The following NOD2 variants were observed in gnomAD, a reference collection of about 807,000 sequenced individuals.
NOD2 encodes the protein nucleotide-binding oligomerization domain-containing protein 2.
Under a neutral mutation model 90.9 loss-of-function variants are expected in NOD2, and 86 were observed. The ratio of observed to expected loss-of-function variants is 0.95; its 90% CI spans 0.79 to 1.13. NOD2 has a LOEUF of 1.13. Among genes scored for constraint, NOD2 ranks in the 50% most tolerant of loss-of-function variants. NOD2 has a pLI of 0.00. For missense variants in NOD2, 1,238 were observed against 1,283.8 expected, an observed-to-expected ratio of 0.96 and a Z score of 0.55; for synonymous variants, 581 against 554.6, an observed-to-expected ratio of 1.05 and a Z score of -0.67.
At chr16:50,699,077 G>A (rs1963801244) in intron 1 of NOD2, among the ~76,000 whole-genome samples, 1 of 151,958 alleles carries the variant, frequency 6.6e-6, no homozygotes, top group African/African-American at 2.4e-5. Context: ...ACAGGCGCTC[G>A]CCACCACGCC....
At chr16:50,705,586 CT>C (rs1337326307) in intron 2 of NOD2, among the ~76,000 whole-genome samples, 1 of 152,170 alleles carries the variant, frequency 6.6e-6, no homozygotes, top group Non-Finnish European at 1.5e-5. Flanking sequence ...GACCTTTTGC[CT>C]GGGGATAAAC....
intron 1 of NOD2, chr16:50,697,719 C>G: frequency 9.2e-6 from 3 of 326,670 alleles, no homozygotes; most frequent in South Asian, 7.8e-5. Flanking sequence ...GGGGTACACC[C>G]TCTCTCCCAA....
In NOD2 at chr16:50,710,637, A is replaced by G. The variant is rs1238539471; in HGVS notation, c.645A>G (p.Gly215=). The change falls in exon 4 of 12, where the codon GGA becomes GGG. Residue 215 remains glycine, a synonymous_variant. Transcript: ENST00000647318. ...AQSRFLSTYD[G]AETLCLEDIY... ...CTCGCTTCCTCAGTACCTATGATGG[A>G]GCAGAGACGCTCTGCCTGGAGGACA... 1.2e-6 allele frequency: 2 copies of G among 1,614,022 alleles called. No individual in the cohort carries two copies. The highest frequency in any genetic ancestry group is 1.3e-5 in the African/African-American group (1 of 74,908).
chr16:50,711,397 C>T lies in NOD2; in HGVS notation c.1405C>T (p.His469Tyr). Residue 469 changes from histidine (H) to tyrosine (Y), a missense_variant, in exon 4 of 12, where the codon CAC (histidine) becomes TAC (tyrosine). His to Tyr is a moderately conservative substitution (Grantham distance 83). Transcript: ENST00000647318. ...PVFSWMVSKC[H>Y]QELLLQEGGS... is the part of the protein sequence containing the mutation. The stretch of plus-strand genomic sequence containing the variant: ...CTTCTCATGGATGGTGTCCAAATGC[C>T]ACCAGGAACTGTTGCTGCAGGAGGG... 1 of 1,613,718 alleles carries T rather than the reference C, an allele frequency of 6.2e-7. No homozygotes were observed. The highest frequency in any genetic ancestry group is 8.5e-7 in the Non-Finnish European group (1 of 1,180,034).
Position 50,710,607 on chromosome 16 carries a change from T to TCAGTC in NOD2, c.616_620dup (p.Arg208SerfsTer144). On this transcript the variant is annotated frameshift_variant, in exon 4 of 12. Transcript: ENST00000647318. LOFTEE classifies it high-confidence loss of function. ...CCAAGCTGAGGACCACGGTGTCTGCTCAGTCTCGCTTCCTCAGTACCTATG... is the reference window on the plus strand; with the variant it reads ...CCAAGCTGAGGACCACGGTGTCTGCTCAGTCCAGTCTCGCTTCCTCAGTACCTATG... 6.2e-7 allele frequency: 1 copy of TCAGTC among 1,614,204 alleles called. No individual in the cohort carries two copies. Among genetic ancestry groups the TCAGTC allele is most frequent in the Non-Finnish European group, 8.5e-7 (1 of 1,180,032 alleles).
intron 1 of NOD2, among the ~76,000 whole-genome samples, chr16:50,694,586 G>C (rs1323484526): frequency 6.6e-6 from 1 of 152,208 alleles, no homozygotes; most frequent in Non-Finnish European, 1.5e-5. Context: ...CATGCCCAGT[G>C]GTGGGGAGCT....
In NOD2 at chr16:50,699,591, G is replaced by T; in HGVS notation, c.96G>T (p.Trp32Cys). ...SLEGFESVLD[W>C]LLSWEVLSWE... ...AAGGCTTCGAGAGTGTCCTGGACTG[G>T]CTGCTGTCCTGGGAGGTCCTCTCCT... The change falls in exon 2 of 12, where the codon TGG (tryptophan) becomes TGT (cysteine). Residue 32 changes from tryptophan (W) to cysteine (C), a missense_variant. Physicochemically the swap from Trp to Cys is radical, Grantham distance 215. Around this residue, in one of 3 missense-constraint regions of NOD2, gnomAD observed 567 missense variants for 577.3 expected, o/e 0.98. Coordinates refer to ENST00000647318, the MANE Select transcript of NOD2 (RefSeq NM_001370466.1). 6 of 1,614,074 alleles carry T rather than the reference G, an allele frequency of 3.7e-6. No homozygotes were observed. Among genetic ancestry groups the T allele is most frequent in the Non-Finnish European group, 5.1e-6 (6 of 1,179,972 alleles).
chr16:50,723,867 T>C (rs1418633055), intron 9 of NOD2, among the ~76,000 whole-genome samples: 1 of 152,228 alleles, frequency 6.6e-6, no homozygotes, highest in African/African-American at 2.4e-5. Context: ...GCAGGGTTAC[T>C]ACTACTATTA....
At position 50,711,978 on chromosome 16, in the gene NOD2, G is replaced by C. The variant is rs1410478848; in HGVS notation, c.1986G>C (p.Leu662=). 1 of 1,613,236 alleles carries C rather than the reference G, an allele frequency of 6.2e-7. No individual in the cohort carries two copies. The highest frequency in any genetic ancestry group is 1.3e-5 in the African/African-American group (1 of 74,948). Residue 662 remains leucine, a synonymous_variant, in exon 4 of 12, where the codon CTG becomes CTC. Transcript: ENST00000647318. The stretch of plus-strand genomic sequence containing the variant: ...TGTTGTCCCGGGAGCACTGGGGCCT[G>C]CTGGCTGAGTGCCAGACATCTGAGA... The part of the protein sequence containing the change: ...AGLLSREHWG[L]LAECQTSEKA...
At position 50,707,964 on chromosome 16, in the gene NOD2, G is replaced by C. The variant is rs776802652; in HGVS notation, c.565+4G>C. On this transcript the variant is annotated splice_donor_region_variant and intron_variant, in intron 3 of 11. Coordinates refer to ENST00000647318, the MANE Select transcript of NOD2 (RefSeq NM_001370466.1). Reference sequence around the variant, plus strand: ...CCATTGGCCCTGCCTTTGGAAGGTAGGTGTATGTTCTCAGTTAATCAGAAA... The same window carrying C: ...CCATTGGCCCTGCCTTTGGAAGGTACGTGTATGTTCTCAGTTAATCAGAAA... 18 of 1,593,120 alleles carry C rather than the reference G, an allele frequency of 1.1e-5. No individual in the cohort carries two copies. The South Asian group carries it at 1.8e-4, about 16-fold the overall frequency.
intron 10 of NOD2, among the ~76,000 whole-genome samples, 187 bp downstream of exon 10, chr16:50,725,759 A>T (rs1965242857): frequency 6.6e-6 from 1 of 152,136 alleles, no homozygotes; most frequent in Non-Finnish European, 1.5e-5. Context: ...GGTCCCAGTA[A>T]ATGCTGATAG....
intron 6 of NOD2, 169 bp from the exon 7 acceptor site, chr16:50,719,756 G>T: frequency 1.4e-6 from 1 of 734,544 alleles, no homozygotes; most frequent in Non-Finnish European, 2.5e-6. Context: ...ATGAAGTTGT[G>T]GGAGCCGCTG....
intron 8 of NOD2, 79 bp from the exon 9 acceptor site, chr16:50,723,222 A>G (rs1381387587): frequency 3.3e-6 from 4 of 1,197,172 alleles, no homozygotes; most frequent in Middle Eastern, 1.9e-4. Context: ...GAGCACCACG[A>G]ATTTTGCCCT....
chr16:50,716,690 G>C lies in NOD2; in HGVS notation c.2465+20G>C, dbSNP rs540029486. ...GTTAGCGTAAGTCAGCCTGGGCTGT[G>C]GACAATGGGCTCCAAGTGCCCTGGT... On this transcript the variant is annotated intron_variant, in intron 5 of 11. Coordinates refer to ENST00000647318, the MANE Select transcript of NOD2 (RefSeq NM_001370466.1). 6.2e-7 allele frequency: 1 copy of C among 1,612,014 alleles called. No individual in the cohort carries two copies. The highest frequency in any genetic ancestry group is 1.1e-5 in the South Asian group (1 of 91,022).
chr16:50,701,535 G>A (rs1408256908), intron 2 of NOD2, among the ~76,000 whole-genome samples: 1 of 152,230 alleles, frequency 6.6e-6, no homozygotes, highest in Non-Finnish European at 1.5e-5. Flanking sequence ...ACGTACAGAA[G>A]ACATATTCGT....
At chr16:50,707,447 A>G (rs999819490) in intron 2 of NOD2, among the ~76,000 whole-genome samples, 1 of 152,240 alleles carries the variant, frequency 6.6e-6, no homozygotes, top group Non-Finnish European at 1.5e-5. Context: ...TCCAGGGTTC[A>G]GGGAGACAGT....
intron 10 of NOD2, chr16:50,727,817 T>C (rs1026519908): frequency 2.7e-5 from 10 of 367,958 alleles, no homozygotes; most frequent in Non-Finnish European, 5.4e-5. Context: ...AGCATACTTC[T>C]CATATGTAAT....
rs761511477 is a variant in NOD2 at position 50,711,589 on chromosome 16, A to G, written c.1597A>G (p.Met533Val). ...LGRLALWGLG[M>V]CCYVFSAQQL... Reference sequence around the variant, plus strand: ...CAGACTGGCTCTGTGGGGCCTGGGCATGTGCTGCTACGTGTTCTCAGCCCA... The same window carrying G: ...CAGACTGGCTCTGTGGGGCCTGGGCGTGTGCTGCTACGTGTTCTCAGCCCA... The change falls in exon 4 of 12, where the codon ATG becomes GTG. Residue 533 changes from methionine (M) to valine (V), a missense_variant. Transcript: ENST00000647318. 1 of 1,611,464 alleles carries G rather than the reference A, an allele frequency of 6.2e-7. No individual in the cohort carries two copies. The highest frequency in any genetic ancestry group is 8.5e-7 in the Non-Finnish European group (1 of 1,180,006).
chr16:50,697,172 C>A, intron 1 of NOD2: 1 of 1,294,682 alleles, frequency 7.7e-7, no homozygotes, highest in Non-Finnish European at 1.1e-6. Flanking sequence ...TCCTGTGCCA[C>A]TGGGCTTTTG....
Sources: allele counts gnomAD v4.1 joint callset (sites outside exome capture counted in the v4.1 genomes callset), GRCh38; gene constraint gnomAD v4.1.1; regional missense constraint gnomAD v4.1.1; transcripts MANE v1.5; gene names NCBI Gene and HGNC (gene_info 2026-07-23, HGNC 2026-07-21).